The following PKNOX2 variants were observed in gnomAD, a reference collection of about 807,000 sequenced individuals.
The protein encoded by PKNOX2 is homeobox protein PKNOX2.
Under a neutral mutation model 53.1 loss-of-function variants are expected in PKNOX2, and 14 were observed. The ratio of observed to expected loss-of-function variants is 0.26; its 90% CI spans 0.17 to 0.41. PKNOX2 has a LOEUF of 0.41. PKNOX2 is among the 10% of genes least tolerant of loss of function. PKNOX2 has a pLI of 1.00. For missense variants in PKNOX2, 496 were observed against 602.8 expected, an observed-to-expected ratio of 0.82 and a Z score of 1.85; for synonymous variants, 257 against 242.8, an observed-to-expected ratio of 1.06 and a Z score of -0.54.
intron 2 of PKNOX2, among the ~76,000 whole-genome samples, chr11:125,327,265 T>G (rs1230479758): frequency 6.6e-6 from 1 of 152,220 alleles, no homozygotes; most frequent in Non-Finnish European, 1.5e-5. Flanking sequence ...AGCCAGCCCA[T>G]GTCCATAGAC....
chr11:125,341,784 G>A (rs1378462702), intron 3 of PKNOX2, among the ~76,000 whole-genome samples: 1 of 152,270 alleles, frequency 6.6e-6, no homozygotes, highest in African/African-American at 2.4e-5. Context: ...ATCTTAGGTT[G>A]GGCGACGGAG....
intron 2 of PKNOX2, among the ~76,000 whole-genome samples, chr11:125,250,915 C>A (rs934685779): frequency 2.0e-5 from 3 of 152,246 alleles, no homozygotes; most frequent in Non-Finnish European, 4.4e-5. Flanking sequence ...CAGGTTCCTC[C>A]TTCTGCCTCC....
intron 9 of PKNOX2, 37 bp from the exon 10 acceptor site, chr11:125,411,709 G>A: frequency 6.2e-7 from 1 of 1,613,550 alleles, no homozygotes; most frequent in Non-Finnish European, 8.5e-7. Context: ...GCCCTCACAG[G>A]CTGCTGATGC....
At chr11:125,254,671 G>T (rs976831983) in intron 2 of PKNOX2, among the ~76,000 whole-genome samples, 2 of 152,158 alleles carry the variant, frequency 1.3e-5, no homozygotes, top group African/African-American at 2.4e-5. Context: ...ATCCGAGCTG[G>T]GTCAAAGCTG....
intron 2 of PKNOX2, among the ~76,000 whole-genome samples, chr11:125,286,533 C>T (rs543504160): frequency 6.6e-6 from 1 of 152,218 alleles, no homozygotes; most frequent in Non-Finnish European, 1.5e-5. Flanking sequence ...CCTCTGTCCA[C>T]CCCCTTGGCC....
intron 7 of PKNOX2, among the ~76,000 whole-genome samples, chr11:125,403,621 T>G (rs1954888974): frequency 6.6e-6 from 1 of 151,866 alleles, no homozygotes; most frequent in South Asian, 2.1e-4. Flanking sequence ...AGTGCTGGAG[T>G]CCGGGATGGG....
At chr11:125,372,801 G>GC (rs1705549724) in intron 5 of PKNOX2, among the ~76,000 whole-genome samples, 1 of 152,240 alleles carries the variant, frequency 6.6e-6, no homozygotes, top group Non-Finnish European at 1.5e-5. Flanking sequence ...CACACCATGT[G>GC]TCTAGTTCAT....
intron 5 of PKNOX2, among the ~76,000 whole-genome samples, chr11:125,369,767 G>A (rs575519868): frequency 6.6e-6 from 1 of 152,314 alleles, no homozygotes; most frequent in South Asian, 2.1e-4. Context: ...ACCTGGGCAA[G>A]GTGCAGTGGG....
rs752158051 is a variant in PKNOX2, at chr11:125,422,299, G to A, written c.937-6713G>A. Among the ~76,000 whole-genome samples, 4 of 152,040 alleles carry A rather than the reference G, an allele frequency of 2.6e-5. No homozygotes were observed. Among genetic ancestry groups the A allele is most frequent in the East Asian group, 1.9e-4 (1 of 5,178 alleles). On this transcript the variant is annotated intron_variant, in intron 10 of 12. Transcript: ENST00000298282. This position sits in a 1 kb window ranked among gnomAD's most constrained non-coding sequence, Gnocchi z 4.1. Reference sequence around the variant, plus strand: ...CTGTGCCTGAAGGCCTTTAGTGTACGGCTACCAGGAGGAAGGAGGTCAGGC... The same window carrying A: ...CTGTGCCTGAAGGCCTTTAGTGTACAGCTACCAGGAGGAAGGAGGTCAGGC...
intron 1 of PKNOX2, among the ~76,000 whole-genome samples, chr11:125,189,441 GTGTGTGTATATATATA>G (rs1388938767): frequency 6.0e-4 from 35 of 57,958 alleles, no homozygotes; most frequent in African/African-American, 2.2e-3. Flanking sequence ...GTGTGTGTGT[GTGTGTGTATATATATA>G]TATATATATA....
At chr11:125,297,785 C>T (rs1947753761) in intron 2 of PKNOX2, among the ~76,000 whole-genome samples, 1 of 152,198 alleles carries the variant, frequency 6.6e-6, no homozygotes, top group African/African-American at 2.4e-5. Context: ...TCTCCCCGCA[C>T]ACTATTTTTA....
chr11:125,262,222 G>A (rs1052713063), intron 2 of PKNOX2, among the ~76,000 whole-genome samples: 1 of 152,138 alleles, frequency 6.6e-6, no homozygotes, highest in Admixed American at 6.5e-5. Context: ...GCGGCGGTGG[G>A]GGGGTGGTTC....
chr11:125,276,974 TG>T (rs1946208288), intron 2 of PKNOX2, among the ~76,000 whole-genome samples: 2 of 152,092 alleles, frequency 1.3e-5, no homozygotes, highest in Admixed American at 1.3e-4. Flanking sequence ...GCTGAAGTAT[TG>T]GATAGTGGAA....
intron 2 of PKNOX2, among the ~76,000 whole-genome samples, chr11:125,291,665 T>C (rs1947312212): frequency 6.6e-6 from 1 of 152,202 alleles, no homozygotes; most frequent in Non-Finnish European, 1.5e-5. Flanking sequence ...GCACCTCAAG[T>C]ACTCATCAAC....
At chr11:125,328,883 G>A (rs764860840) in intron 2 of PKNOX2, among the ~76,000 whole-genome samples, 2 of 152,234 alleles carry the variant, frequency 1.3e-5, no homozygotes, top group Non-Finnish European at 2.9e-5. Context: ...CCTGGCAAGG[G>A]AAAGGCATCT....
At chr11:125,270,433 G>A (rs1343899214) in intron 2 of PKNOX2, among the ~76,000 whole-genome samples, 1 of 152,164 alleles carries the variant, frequency 6.6e-6, no homozygotes, top group Non-Finnish European at 1.5e-5. Flanking sequence ...TGAAGCCTTG[G>A]AGGTTTGAAT....
chr11:125,171,177 C>T (rs534112386), intron 1 of PKNOX2, among the ~76,000 whole-genome samples: 3 of 152,320 alleles, frequency 2.0e-5, no homozygotes, highest in African/African-American at 7.2e-5. Context: ...GGAAATAGAA[C>T]CCAGTAATCG....
intron 1 of PKNOX2, among the ~76,000 whole-genome samples, chr11:125,202,466 G>A (rs1347225795): frequency 6.6e-6 from 1 of 152,236 alleles, no homozygotes; most frequent in Non-Finnish European, 1.5e-5. Flanking sequence ...TGAGGTGGCT[G>A]CACTGCCATG....
At chr11:125,170,696 C>A (rs1274509614) in intron 1 of PKNOX2, among the ~76,000 whole-genome samples, 2 of 152,238 alleles carry the variant, frequency 1.3e-5, no homozygotes, top group Non-Finnish European at 2.9e-5. Flanking sequence ...ACTAAAAACA[C>A]ATCCCTGTGT....
Sources: gnomAD v4.1 joint callset for allele counts (sites outside exome capture counted in the v4.1 genomes callset) on GRCh38, gnomAD v4.1.1 for gene constraint, Gnocchi (gnomAD v3.1) non-coding constraint, MANE v1.5 for transcripts, NCBI Gene and HGNC (gene_info 2026-07-23, HGNC 2026-07-21) for gene names.